The following HPGD variants were observed in gnomAD, a reference collection of about 807,000 sequenced individuals.
HPGD encodes 15-hydroxyprostaglandin dehydrogenase [NAD(+)].
A neutral mutation model predicts 30.0 loss-of-function variants in HPGD; 29 were observed. That is an observed-to-expected ratio of 0.97 (90% CI 0.72 to 1.32). HPGD has a LOEUF of 1.32. Ranked by LOEUF, HPGD falls within the 40% of genes most tolerant of loss-of-function variation. The pLI, the probability that HPGD is intolerant of heterozygous loss-of-function variation, is 0.00. For synonymous variants in HPGD, 99 were observed against 112.4 expected (o/e 0.88, Z 0.75); for missense variants, 340 against 322.1 (o/e 1.06, Z -0.43).
At chr4:174,519,867 C>T (rs1735993694) in intron 2 of HPGD, among the ~76,000 whole-genome samples, 1 of 152,206 alleles carries the variant, frequency 6.6e-6, no homozygotes, top group South Asian at 2.1e-4. Flanking sequence ...GGTCTCTTCA[C>T]ACAGACGCGA....
intron 4 of HPGD, among the ~76,000 whole-genome samples, chr4:174,504,539 G>C (rs1735079220): frequency 6.6e-6 from 1 of 151,898 alleles, no homozygotes; most frequent in Non-Finnish European, 1.5e-5. Context: ...AAATACTTAA[G>C]AACTGCGCCT....
At chr4:174,503,963 A>G (rs1044756571) in intron 4 of HPGD, among the ~76,000 whole-genome samples, 1 of 152,026 alleles carries the variant, frequency 6.6e-6, no homozygotes, top group Non-Finnish European at 1.5e-5. Context: ...GCCTCAAGTG[A>G]TCCTCCTGCC....
chr4:174,520,891 C>T (rs1736068682), intron 2 of HPGD, among the ~76,000 whole-genome samples: 1 of 152,178 alleles, frequency 6.6e-6, no homozygotes, highest in Non-Finnish European at 1.5e-5. Context: ...TCTTTATTAG[C>T]ATTTTCAGAT....
In HPGD at chr4:174,496,168, T is replaced by C; in HGVS notation, c.422-544A>G. 6.6e-6 allele frequency among the ~76,000 whole-genome samples: 1 copy of C among 152,212 alleles called. No homozygotes were observed. The highest frequency in any genetic ancestry group is 1.9e-4 in the East Asian group (1 of 5,200). Reference sequence around the variant, plus strand: ...TTTAAGAAAATTAAAAGTTAACTTCTTCTTTTTATTTGATCTATTGTAGAT... The same window carrying C: ...TTTAAGAAAATTAAAAGTTAACTTCCTCTTTTTATTTGATCTATTGTAGAT... On this transcript the variant is annotated intron_variant, in intron 4 of 6. Transcript: ENST00000296522. This position sits in a 1 kb window ranked among gnomAD's most constrained non-coding sequence, Gnocchi z 4.6.
intron 3 of HPGD, among the ~76,000 whole-genome samples, chr4:174,511,358 C>T (rs1477655560): frequency 6.6e-6 from 1 of 152,114 alleles, no homozygotes; most frequent in Non-Finnish European, 1.5e-5. Flanking sequence ...AAGGTCATTG[C>T]CAAGGTCTAA....
chr4:174,518,529 A>G (rs936009683), intron 2 of HPGD, among the ~76,000 whole-genome samples: 3 of 152,206 alleles, frequency 2.0e-5, no homozygotes, highest in African/African-American at 7.2e-5. Flanking sequence ...TCCATAAGCC[A>G]TATTAAATTC....
chr4:174,503,128 T>G (rs1019972696), intron 4 of HPGD, among the ~76,000 whole-genome samples: 4 of 152,178 alleles, frequency 2.6e-5, no homozygotes, highest in Admixed American at 2.6e-4. Flanking sequence ...ATTTAATCAT[T>G]CCTACTGATT....
rs535049838 is a variant in HPGD, at chr4:174,504,796, C to G, written c.421+3900G>C. 8.7e-5 allele frequency among the ~76,000 whole-genome samples: 13 copies of G among 149,866 alleles called. No homozygotes were observed. In the South Asian group the frequency reaches 1.7e-3, roughly 19 times the overall value. On this transcript the variant is annotated intron_variant, in intron 4 of 6. Transcript: ENST00000296522. ...CCATTGCACTCCAGCCTGGGTGACACGAGTGAAACTCTGTCTCAAAACAAA... is the reference window on the plus strand; with the variant it reads ...CCATTGCACTCCAGCCTGGGTGACAGGAGTGAAACTCTGTCTCAAAACAAA...
chr4:174,517,868 G>A (rs1401216437), intron 3 of HPGD, 103 bp downstream of exon 3: 2 of 650,084 alleles, frequency 3.1e-6, no homozygotes, highest in Non-Finnish European at 5.5e-6. Flanking sequence ...TTTCAATATT[G>A]TAGGTCATTG....
At chr4:174,521,174 T>A (rs1490482543) in intron 2 of HPGD, among the ~76,000 whole-genome samples, 1 of 152,066 alleles carries the variant, frequency 6.6e-6, no homozygotes, top group African/African-American at 2.4e-5. Context: ...CTCCAGAATT[T>A]TTGTTTCCTG....
chr4:174,496,688 A>T lies in HPGD; in HGVS notation c.422-1064T>A, dbSNP rs1159169843. 6.6e-6 allele frequency among the ~76,000 whole-genome samples: 1 copy of T among 152,184 alleles called. No homozygotes were observed. The highest frequency in any genetic ancestry group is 1.9e-4 in the East Asian group (1 of 5,198). ...ATCAAATGTCATGCTAATAATACCA[A>T]ATTATTCTGCTGAGACATGCTCATC... On this transcript the variant is annotated intron_variant, in intron 4 of 6. Coordinates refer to ENST00000296522, the MANE Select transcript of HPGD (RefSeq NM_000860.6). This position sits in a 1 kb window ranked among gnomAD's most constrained non-coding sequence, Gnocchi z 4.6.
At chr4:174,518,883 A>G (rs907520322) in intron 2 of HPGD, among the ~76,000 whole-genome samples, 1 of 152,134 alleles carries the variant, frequency 6.6e-6, no homozygotes, top group African/African-American at 2.4e-5. Context: ...CGGGCCTTTG[A>G]TCATTCATTC....
intron 3 of HPGD, among the ~76,000 whole-genome samples, chr4:174,515,620 A>AC (rs55691746): frequency 2.6e-5 from 4 of 151,572 alleles, no homozygotes; most frequent in African/African-American, 9.7e-5. Flanking sequence ...CCAAAAATAG[A>AC]TGGGACCTAA....
At chr4:174,512,946 C>T (rs1735585603) in intron 3 of HPGD, among the ~76,000 whole-genome samples, 1 of 152,196 alleles carries the variant, frequency 6.6e-6, no homozygotes, top group African/African-American at 2.4e-5. Flanking sequence ...GGTATTCACA[C>T]AGGCTACATT....
At chr4:174,517,528 T>C (rs906975237) in intron 3 of HPGD, among the ~76,000 whole-genome samples, 5 of 152,222 alleles carry the variant, frequency 3.3e-5, no homozygotes, top group African/African-American at 1.2e-4. Flanking sequence ...AAATAGCCAA[T>C]GACAATTCTT....
chr4:174,518,752 A>G (rs1365006411), intron 2 of HPGD, among the ~76,000 whole-genome samples: 1 of 152,182 alleles, frequency 6.6e-6, no homozygotes, highest in Non-Finnish European at 1.5e-5. Flanking sequence ...CTATGTTCAA[A>G]CAGGATAAAG....
At chr4:174,518,961 C>T (rs1735935965) in intron 2 of HPGD, among the ~76,000 whole-genome samples, 1 of 152,058 alleles carries the variant, frequency 6.6e-6, no homozygotes, top group Non-Finnish European at 1.5e-5. Context: ...AATATATTCT[C>T]AGGTGTCCAG....
At chr4:174,513,667 A>G (rs189221709) in intron 3 of HPGD, among the ~76,000 whole-genome samples, 3 of 152,182 alleles carry the variant, frequency 2.0e-5, no homozygotes, top group Admixed American at 6.5e-5. Flanking sequence ...AAGATCTCAC[A>G]ATAAACCATC....
At chr4:174,500,010 G>A (rs1734827196) in intron 4 of HPGD, among the ~76,000 whole-genome samples, 1 of 151,868 alleles carries the variant, frequency 6.6e-6, no homozygotes, top group Non-Finnish European at 1.5e-5. Flanking sequence ...CTCAAGCCAA[G>A]ACCTCTTACT....
Sources: gnomAD v4.1 joint callset for allele counts (sites outside exome capture counted in the v4.1 genomes callset) on GRCh38, gnomAD v4.1.1 for gene constraint, Gnocchi (gnomAD v3.1) non-coding constraint, MANE v1.5 for transcripts, NCBI Gene and HGNC (gene_info 2026-07-23, HGNC 2026-07-21) for gene names.